Variants in ATXN1 observed in about 807,000 individuals in gnomAD.
The protein encoded by ATXN1 is ataxin-1.
ATXN1 carries 8 observed loss-of-function variants against 56.4 expected under a neutral mutation model. The ratio of observed to expected loss-of-function variants is 0.14; its 90% CI spans 0.08 to 0.26. ATXN1 has a LOEUF of 0.26. Ranked by LOEUF, ATXN1 falls within the 10% of genes least tolerant of loss-of-function variation. ATXN1 has a pLI of 1.00. For missense variants in ATXN1, 987 were observed against 1,106.5 expected, an observed-to-expected ratio of 0.89 and a Z score of 1.53; for synonymous variants, 514 against 494.6, an observed-to-expected ratio of 1.04 and a Z score of -0.52.
intron 6 of ATXN1, among the ~76,000 whole-genome samples, chr6:16,405,548 A>G (rs547691253): frequency 6.6e-6 from 1 of 152,346 alleles, no homozygotes; most frequent in African/African-American, 2.4e-5. Flanking sequence ...TGATGCAGGA[A>G]GCAATAAAAC....
rs1365890883 is a variant in ATXN1, at chr6:16,439,364, GGCCGGGGGCGGGGC to G, written c.-161+46594_-161+46607del. 4.4e-3 allele frequency among the ~76,000 whole-genome samples: 59 copies of G among 13,272 alleles called. 1 individual carries two copies. The highest frequency in any genetic ancestry group is 7.7e-3 in the Non-Finnish European group (45 of 5,850). The allele number at this position is 13,272 out of a possible 152,430, so 8.7% of individuals were successfully genotyped here. On this transcript the variant is annotated intron_variant, in intron 6 of 7. Coordinates refer to ENST00000436367, the MANE Select transcript of ATXN1 (RefSeq NM_001128164.2). Reference sequence around the variant, plus strand: ...GGGGGGGGGGGGGGGGGGGGGGCGGGGCCGGGGGCGGGGCGGGAATAAGGGTTGGGGTGGGGTGG... The same window carrying G: ...GGGGGGGGGGGGGGGGGGGGGGCGGGGGGAATAAGGGTTGGGGTGGGGTGG...
chr6:16,485,452 A>C (rs1376579344), intron 6 of ATXN1: 1 of 152,236 alleles, frequency 6.6e-6, no homozygotes, highest in Non-Finnish European at 1.5e-5. Context: ...AAGTAAGGGA[A>C]GCACCAAACA....
chr6:16,558,532 CT>C (rs1198829993), intron 4 of ATXN1, among the ~76,000 whole-genome samples: 2 of 151,902 alleles, frequency 1.3e-5, no homozygotes, highest in Non-Finnish European at 2.9e-5. Context: ...CCATGTTTGG[CT>C]ATTTATTATT....
chr6:16,529,554 A>C (rs901019699), intron 4 of ATXN1, among the ~76,000 whole-genome samples: 2 of 152,206 alleles, frequency 1.3e-5, no homozygotes, highest in Non-Finnish European at 2.9e-5. Flanking sequence ...TAACCCAAAC[A>C]CAAAGAATGT....
chr6:16,713,092 G>C (rs1354837105), intron 2 of ATXN1, among the ~76,000 whole-genome samples: 1 of 152,200 alleles, frequency 6.6e-6, no homozygotes, highest in Non-Finnish European at 1.5e-5. Context: ...CCCTTCCAGT[G>C]AAAGAATCGC....
chr6:16,353,444 G>C (rs1227864377), intron 6 of ATXN1, among the ~76,000 whole-genome samples: 1 of 152,168 alleles, frequency 6.6e-6, no homozygotes, highest in Non-Finnish European at 1.5e-5. Context: ...GGAGGCTGAG[G>C]TGGGCGGATC....
intron 4 of ATXN1, among the ~76,000 whole-genome samples, chr6:16,532,393 C>T (rs1351703691): frequency 6.6e-6 from 1 of 152,184 alleles, no homozygotes; most frequent in Non-Finnish European, 1.5e-5. Context: ...TAAGTCTCTA[C>T]ATATTCATCT....
chr6:16,705,064 C>T (rs1759377783), intron 2 of ATXN1, among the ~76,000 whole-genome samples: 1 of 152,180 alleles, frequency 6.6e-6, no homozygotes, highest in African/African-American at 2.4e-5. Context: ...GCTGGAGCAT[C>T]CTAGAGTCTC....
chr6:16,674,336 CTTTTTTTTTTTT>C (rs869081370), intron 2 of ATXN1, among the ~76,000 whole-genome samples: 2 of 78,132 alleles, frequency 2.6e-5, no homozygotes, highest in East Asian at 4.0e-4. Flanking sequence ...AGAGAACTTT[CTTTTTTTTTTTT>C]TTTTTTTTTT....
At chr6:16,495,642 C>A (rs928356394) in intron 5 of ATXN1, among the ~76,000 whole-genome samples, 1 of 152,132 alleles carries the variant, frequency 6.6e-6, no homozygotes, top group African/African-American at 2.4e-5. Flanking sequence ...GCAGGTGGAT[C>A]ATTTGAGGTC....
At chr6:16,348,036 C>A (rs1247186884) in intron 6 of ATXN1, among the ~76,000 whole-genome samples, 1 of 152,138 alleles carries the variant, frequency 6.6e-6, no homozygotes, top group African/African-American at 2.4e-5. Flanking sequence ...TCCAGACATG[C>A]CGCTTTAAGA....
chr6:16,536,939 A>C (rs929420732), intron 4 of ATXN1, among the ~76,000 whole-genome samples: 1 of 152,226 alleles, frequency 6.6e-6, no homozygotes, highest in Non-Finnish European at 1.5e-5. Flanking sequence ...TTTTCATTAA[A>C]TAGCACATTT....
intron 6 of ATXN1, among the ~76,000 whole-genome samples, chr6:16,363,726 A>C (rs746959710): frequency 6.6e-6 from 1 of 152,124 alleles, no homozygotes; most frequent in Admixed American, 6.6e-5. Flanking sequence ...CCTCTCAGCA[A>C]TCTATTACGG....
At chr6:16,733,895 C>T (rs1760050842) in intron 2 of ATXN1, among the ~76,000 whole-genome samples, 1 of 151,926 alleles carries the variant, frequency 6.6e-6, no homozygotes, top group East Asian at 1.9e-4. Context: ...TGCCTGTAAT[C>T]TCAGCACTTT....
intron 2 of ATXN1, among the ~76,000 whole-genome samples, chr6:16,665,691 G>T (rs1038377044): frequency 6.6e-6 from 1 of 152,126 alleles, no homozygotes; most frequent in African/African-American, 2.4e-5. Flanking sequence ...TCCTCTTGGG[G>T]ATCACTGAGT....
At chr6:16,374,955 A>C (rs1762113858) in intron 6 of ATXN1, among the ~76,000 whole-genome samples, 1 of 152,242 alleles carries the variant, frequency 6.6e-6, no homozygotes, top group Non-Finnish European at 1.5e-5. Flanking sequence ...GGTCTGACTG[A>C]CTTTGCGGCA....
At chr6:16,409,171 T>G (rs1239610890) in intron 6 of ATXN1, among the ~76,000 whole-genome samples, 1 of 152,192 alleles carries the variant, frequency 6.6e-6, no homozygotes, top group Non-Finnish European at 1.5e-5. Flanking sequence ...GGACTTGCTT[T>G]GACATTTATT....
chr6:16,502,252 T>G (rs1467112846), intron 5 of ATXN1, among the ~76,000 whole-genome samples: 1 of 152,224 alleles, frequency 6.6e-6, no homozygotes, highest in South Asian at 2.1e-4. Flanking sequence ...GTTTAAAAAC[T>G]GACATCTTCA....
At chr6:16,488,125 G>C (rs2237189) in intron 5 of ATXN1, among the ~76,000 whole-genome samples, 1 of 152,018 alleles carries the variant, frequency 6.6e-6, no homozygotes, top group Non-Finnish European at 1.5e-5. Flanking sequence ...TCGGTGAGAG[G>C]AACACCCCTG....
Sources: allele counts gnomAD v4.1 joint callset (sites outside exome capture counted in the v4.1 genomes callset), GRCh38; gene constraint gnomAD v4.1.1; transcripts MANE v1.5; gene names NCBI Gene and HGNC (gene_info 2026-07-23, HGNC 2026-07-21).